ANKFN1: variants seen among roughly 807,000 people sequenced by gnomAD.
ANKFN1 encodes the protein ankyrin repeat and fibronectin type III domain containing 1.
ANKFN1 carries 74 observed loss-of-function variants against 108.7 expected under a neutral mutation model. The ratio of observed to expected loss-of-function variants is 0.68; its 90% CI spans 0.56 to 0.83. The LOEUF (loss-of-function observed/expected upper bound fraction) is 0.83. Ranked by LOEUF, ANKFN1 falls within the 40% of genes least tolerant of loss-of-function variation. The probability of loss-of-function intolerance (pLI) is 0.00; values close to 1 mark genes in which losing one functional copy is unlikely to be tolerated. For missense variants in ANKFN1, 1,505 were observed against 1,382.3 expected, an observed-to-expected ratio of 1.09 and a Z score of -1.41; for synonymous variants, 547 against 516.2, an observed-to-expected ratio of 1.06 and a Z score of -0.81.
At chr17:56,194,546 G>T (rs527481921) in intron 1 of ANKFN1, among the ~76,000 whole-genome samples, 1 of 152,140 alleles carries the variant, frequency 6.6e-6, no homozygotes, top group African/African-American at 2.4e-5. Context: ...GGAAAAGGCC[G>T]AACTATGAAG....
intron 1 of ANKFN1, among the ~76,000 whole-genome samples, chr17:56,182,151 G>T (rs1598192833): frequency 1.3e-5 from 2 of 152,098 alleles, no homozygotes; most frequent in East Asian, 3.9e-4. Flanking sequence ...CTGAGAATAG[G>T]CCAATTAATA....
chr17:56,237,460 G>A (rs760047341), intron 3 of ANKFN1, among the ~76,000 whole-genome samples: 1 of 152,036 alleles, frequency 6.6e-6, no homozygotes, highest in Non-Finnish European at 1.5e-5. Flanking sequence ...CAATTTTGGA[G>A]CTCATTATTG....
chr17:56,422,670 C>T (rs922737048), intron 8 of ANKFN1, among the ~76,000 whole-genome samples: 4 of 152,050 alleles, frequency 2.6e-5, no homozygotes, highest in Admixed American at 2.0e-4. Context: ...GGATGATGAA[C>T]GTTTGATAAA....
chr17:56,335,408 G>T (rs991157155), intron 4 of ANKFN1, among the ~76,000 whole-genome samples: 2 of 152,062 alleles, frequency 1.3e-5, no homozygotes, highest in Non-Finnish European at 1.5e-5. Context: ...GCAGTGATTT[G>T]TAGTTCTCCT....
intron 4 of ANKFN1, among the ~76,000 whole-genome samples, chr17:56,145,612 C>A (rs1176106391): frequency 6.6e-6 from 1 of 152,150 alleles, no homozygotes; most frequent in Non-Finnish European, 1.5e-5. Context: ...CAATTACCTC[C>A]ACCTCGTCCC....
At position 56,119,104 on chromosome 17, in the gene ANKFN1, G is replaced by A. The variant is rs150083854; in HGVS notation, c.288+72779G>A. 2.0e-4 allele frequency among the ~76,000 whole-genome samples: 31 copies of A among 152,144 alleles called. No homozygotes were observed. In the East Asian group the frequency reaches 5.8e-3, roughly 28 times the overall value. The stretch of plus-strand genomic sequence containing the variant: ...GTGAGACATAAACAGTTGGAAATAC[G>A]GGTTTGGAATTTAGAACAGAGATCT... On this transcript the variant is annotated intron_variant, in intron 4 of 12. Transcript: ENST00000635860.
intron 6 of ANKFN1, among the ~76,000 whole-genome samples, chr17:56,359,173 G>A (rs754967409): frequency 2.6e-5 from 4 of 152,044 alleles, no homozygotes; most frequent in Non-Finnish European, 4.4e-5. Flanking sequence ...TATGCTACTG[G>A]GAGTCACAGA....
At chr17:56,393,916 G>A (rs1382752343) in intron 8 of ANKFN1, among the ~76,000 whole-genome samples, 1 of 152,138 alleles carries the variant, frequency 6.6e-6, no homozygotes, top group African/African-American at 2.4e-5. Flanking sequence ...TAATATTTAG[G>A]CATCCATTCC....
chr17:56,263,312 G>A (rs966923642), intron 3 of ANKFN1, among the ~76,000 whole-genome samples: 1 of 152,156 alleles, frequency 6.6e-6, no homozygotes, highest in Non-Finnish European at 1.5e-5. Context: ...TGGCATATAT[G>A]GATTCAAAGT....
Position 56,510,537 on chromosome 17 carries a change from C to A in ANKFN1, c.2709C>A (p.Tyr903Ter), listed in dbSNP as rs780466220. 8.7e-5 allele frequency: 134 copies of A among 1,536,058 alleles called. No homozygotes were observed. Among genetic ancestry groups the A allele is most frequent in the Non-Finnish European group, 1.1e-4 (131 of 1,146,908 alleles). The part of the protein sequence containing the change: ...SEVFLPTNSD[Y>*]DSSDALSPRD... ...TCTTCCTCCCCACCAACAGTGACTA[C>A]GACTCCAGCGATGCCCTGAGCCCCA... Residue 903 changes from tyrosine to a stop codon, truncating the protein, a stop_gained, in exon 21 of 21, where the codon TAC becomes TAA. Coordinates refer to ENST00000682825, the MANE Select transcript of ANKFN1 (RefSeq NM_001370326.1). LOFTEE classifies it high-confidence loss of function.
chr17:56,187,320 C>A (rs1383298910), intron 1 of ANKFN1, among the ~76,000 whole-genome samples: 7 of 152,116 alleles, frequency 4.6e-5, no homozygotes, highest in African/African-American at 9.7e-5. Flanking sequence ...ATGGAGCCAA[C>A]AGACACATGA....
intron 4 of ANKFN1, among the ~76,000 whole-genome samples, chr17:56,096,430 A>G (rs1420624400): frequency 6.6e-6 from 1 of 152,234 alleles, no homozygotes; most frequent in Non-Finnish European, 1.5e-5. Flanking sequence ...CAGATTCCAA[A>G]CAATAGTCCC....
intron 8 of ANKFN1, among the ~76,000 whole-genome samples, chr17:56,436,338 C>T (rs906028340): frequency 3.3e-5 from 5 of 152,126 alleles, no homozygotes; most frequent in Admixed American, 1.3e-4. Context: ...TGAGCCATTG[C>T]GCAATTAAGC....
chr17:56,184,778 G>T (rs1385209710), intron 1 of ANKFN1: 2 of 152,138 alleles, frequency 1.3e-5, no homozygotes, highest in Non-Finnish European at 2.9e-5. Flanking sequence ...TACATCCTGT[G>T]CTATTGTCTC....
intron 8 of ANKFN1, among the ~76,000 whole-genome samples, chr17:56,413,060 G>C (rs563741584): frequency 1.4e-4 from 21 of 152,204 alleles, no homozygotes; most frequent in African/African-American, 4.8e-4. Context: ...CTTCTGCTAA[G>C]TTTGAGCTTA....
chr17:56,464,945 C>A (rs550398306), intron 14 of ANKFN1, among the ~76,000 whole-genome samples: 68 of 152,278 alleles, frequency 4.5e-4, no homozygotes, highest in Admixed American at 1.8e-3. Flanking sequence ...CTGGAGCCAA[C>A]CTGTACTGGC....
At chr17:56,220,839 GGAGGGA>G (rs1915818412) in intron 2 of ANKFN1, among the ~76,000 whole-genome samples, 1 of 79,436 alleles carries the variant, frequency 1.3e-5, no homozygotes, top group African/African-American at 9.2e-5. Flanking sequence ...AGGGAGGAAG[GGAGGGA>G]GGGAGGAAGG....
At chr17:56,432,894 T>C (rs1012743278) in intron 8 of ANKFN1, among the ~76,000 whole-genome samples, 2 of 152,290 alleles carry the variant, frequency 1.3e-5, no homozygotes, top group South Asian at 2.1e-4. Context: ...CTGATCATGA[T>C]ACATCCACCT....
chr17:56,411,062 G>A (rs2048075832), intron 8 of ANKFN1, among the ~76,000 whole-genome samples: 1 of 152,128 alleles, frequency 6.6e-6, no homozygotes, highest in South Asian at 2.1e-4. Context: ...TTGGAATTTT[G>A]ATAGAGATTG....
Sources: allele counts gnomAD v4.1 joint callset (sites outside exome capture counted in the v4.1 genomes callset), GRCh38; gene constraint gnomAD v4.1.1; transcripts MANE v1.5; gene names NCBI Gene and HGNC (gene_info 2026-07-23, HGNC 2026-07-21).